POLR1C: variants seen among roughly 807,000 people sequenced by gnomAD.
POLR1C encodes RNA polymerase I and III subunit C.
POLR1C carries 42 observed loss-of-function variants against 38.3 expected under a neutral mutation model. That is an observed-to-expected ratio of 1.10 (90% confidence interval 0.86 to 1.42). The LOEUF (loss-of-function observed/expected upper bound fraction) is 1.42, where lower values mean the gene tolerates loss of function less well. Ranked by LOEUF, POLR1C falls within the 40% of genes most tolerant of loss-of-function variation. The probability of loss-of-function intolerance (pLI) is 0.00; values close to 1 mark genes in which losing one functional copy is unlikely to be tolerated. For missense variants in POLR1C, 507 were observed against 450.5 expected (o/e 1.13, Z -1.14); for synonymous variants, 163 against 163.9 (o/e 0.99, Z 0.04).
downstream of POLR1C, chr6:43,523,729 C>G (rs1243439355): frequency 7.1e-7 from 1 of 1,404,226 alleles, no homozygotes; most frequent in Non-Finnish European, 1.0e-6. Context: ...CCTGTTCTCT[C>G]CAGCTCCAGA....
chr6:43,555,766 C>T, intron 10 of POLR1C: 2 of 1,589,078 alleles, frequency 1.3e-6, no homozygotes, highest in Admixed American at 1.7e-5. Flanking sequence ...ATAGCTCAGG[C>T]TCATTTCCTA....
downstream of POLR1C, chr6:43,526,456 A>T (rs1793596294): frequency 1.8e-6 from 1 of 562,260 alleles, no homozygotes; most frequent in Non-Finnish European, 3.2e-6. Context: ...AAGAGAAAAG[A>T]TCACATATAT....
chr6:43,521,009 A>G lies in POLR1C; in HGVS notation c.883A>G (p.Lys295Glu), dbSNP rs764550766. 3 of 1,614,030 alleles carry G rather than the reference A, an allele frequency of 1.9e-6. No homozygotes were observed. The highest frequency in any genetic ancestry group is 2.7e-5 in the African/African-American group (2 of 74,906). Reference sequence around the variant, plus strand: ...AATCTTCCGGAATGAGAAGCTAAAGAAGGTTGTGAGGCTTGCCCGGGTTCG... The same window carrying G: ...AATCTTCCGGAATGAGAAGCTAAAGGAGGTTGTGAGGCTTGCCCGGGTTCG... The part of the protein sequence containing the change: ...REIFRNEKLK[K>E]VVRLARVRDH... The change falls in exon 8 of 9, where the codon AAG (lysine) becomes GAG (glutamate). Residue 295 changes from lysine to glutamate, a missense_variant. By Grantham distance (56) the Lys-to-Glu change is moderately conservative. Transcript: ENST00000642195.
At chr6:43,549,651 A>C in intron 9 of POLR1C, 1 of 1,520,740 alleles carries the variant, frequency 6.6e-7, no homozygotes, top group Non-Finnish European at 8.9e-7. Context: ...ACTCATGTGA[A>C]TATCTCAGTC....
chr6:43,545,763 T>C (rs1466656961), intron 9 of POLR1C, among the ~76,000 whole-genome samples: 1 of 152,036 alleles, frequency 6.6e-6, no homozygotes, highest in Non-Finnish European at 1.5e-5. Flanking sequence ...AAAGCACTCT[T>C]TGGCCAATAA....
intron 9 of POLR1C, among the ~76,000 whole-genome samples, chr6:43,544,548 G>C (rs919233945): frequency 6.6e-6 from 1 of 152,138 alleles, no homozygotes; most frequent in Non-Finnish European, 1.5e-5. Flanking sequence ...GGCCTAAAAA[G>C]GTCTAGGTGA....
chr6:43,525,795 C>A, downstream of POLR1C: 1 of 1,595,576 alleles, frequency 6.3e-7, no homozygotes, highest in Non-Finnish European at 8.6e-7. Context: ...GGTGACTCCC[C>A]ACCTGGGCAA....
chr6:43,542,140 CATTTTTATTTTTTA>C (rs1239933481), intron 9 of POLR1C, among the ~76,000 whole-genome samples: 1 of 152,072 alleles, frequency 6.6e-6, no homozygotes, highest in Non-Finnish European at 1.5e-5. Flanking sequence ...TCAGGCTAGT[CATTTTTATTTTTTA>C]ATTTTTATTT....
chr6:43,545,566 G>T (rs1168798501), intron 9 of POLR1C, among the ~76,000 whole-genome samples: 1 of 152,112 alleles, frequency 6.6e-6, no homozygotes, highest in Non-Finnish European at 1.5e-5. Context: ...AATTAGCCAG[G>T]AGTGGTGGTG....
At chr6:43,547,601 G>A in intron 9 of POLR1C, 2 of 1,613,812 alleles carry the variant, frequency 1.2e-6, no homozygotes, top group East Asian at 2.2e-5. Context: ...TCCCAGGAAA[G>A]TCTTACTCGT....
chr6:43,545,170 G>A (rs916722760), intron 9 of POLR1C, among the ~76,000 whole-genome samples: 15 of 151,328 alleles, frequency 9.9e-5, no homozygotes, highest in South Asian at 2.1e-4. Flanking sequence ...ACCACACCCC[G>A]CCAAAATATT....
intron 9 of POLR1C, among the ~76,000 whole-genome samples, chr6:43,541,021 TCTCA>T (rs1038184421): frequency 2.6e-5 from 4 of 152,186 alleles, no homozygotes; most frequent in African/African-American, 9.7e-5. Flanking sequence ...CATCACATGT[TCTCA>T]CTCTTTGTGG....
downstream of POLR1C, among the ~76,000 whole-genome samples, chr6:43,532,696 C>T (rs1794056112): frequency 6.6e-6 from 1 of 152,224 alleles, no homozygotes; most frequent in Non-Finnish European, 1.5e-5. Context: ...TGGGAGTCAG[C>T]CTTCTGACTT....
intron 2 of POLR1C, 87 bp downstream of exon 2, chr6:43,517,464 T>C (rs1792893419): frequency 8.8e-7 from 1 of 1,135,394 alleles, no homozygotes; most frequent in Non-Finnish European, 1.3e-6. Context: ...GAAGCTGCTC[T>C]TGGGGGTCGC....
At chr6:43,536,758 T>TTAA (rs1363285984) in intron 9 of POLR1C, among the ~76,000 whole-genome samples, 1 of 19,082 alleles carries the variant, frequency 5.2e-5, no homozygotes, top group African/African-American at 2.4e-4. Flanking sequence ...AGACTCTATC[T>TTAA]AAAAAAAAAA....
intron 10 of POLR1C, chr6:43,560,871 T>G (rs1324885303): frequency 7.2e-7 from 1 of 1,389,110 alleles, no homozygotes; most frequent in East Asian, 2.3e-5. Context: ...ACACAGTGCT[T>G]GACATTGGTT....
downstream of POLR1C, chr6:43,523,686 CTT>C: frequency 1.1e-6 from 1 of 942,808 alleles, no homozygotes; most frequent in Non-Finnish European, 1.8e-6. Flanking sequence ...TTTCTTGATA[CTT>C]TAGTATAATT....
chr6:43,520,475 G>C lies in POLR1C; in HGVS notation c.655+48G>C, dbSNP rs752163579. 5 of 1,610,822 alleles carry C rather than the reference G, an allele frequency of 3.1e-6. No individual in the cohort carries two copies. The African/African-American group carries it at 6.7e-5, about 22-fold the overall frequency. On this transcript the variant is annotated intron_variant, in intron 6 of 8. Coordinates refer to ENST00000642195, the MANE Select transcript of POLR1C (RefSeq NM_203290.4). Reference sequence around the variant, plus strand: ...TGGGAAGGGGGATAGTTCGGTTGCAGTGGGGCAAGCTGACTAGGGAACTCA... The same window carrying C: ...TGGGAAGGGGGATAGTTCGGTTGCACTGGGGCAAGCTGACTAGGGAACTCA...
At chr6:43,522,711 C>T (rs1793269996), downstream of POLR1C, 1 of 501,592 alleles carries the variant, frequency 2.0e-6, no homozygotes, top group African/African-American at 1.9e-5. Context: ...TCGGGGAAAC[C>T]CTCTTGTCAG....
Sources: gnomAD v4.1 joint callset for allele counts (sites outside exome capture counted in the v4.1 genomes callset) on GRCh38, gnomAD v4.1.1 for gene constraint, MANE v1.5 for transcripts, NCBI Gene and HGNC (gene_info 2026-07-23, HGNC 2026-07-21) for gene names.